Variants in ANKUB1 observed in about 807,000 individuals in gnomAD.
ANKUB1 encodes protein ANKUB1.
ANKUB1 carries 42 observed loss-of-function variants against 49.3 expected under a neutral mutation model. The ratio of observed to expected loss-of-function variants is 0.85; its 90% CI spans 0.67 to 1.10. ANKUB1 has a LOEUF of 1.10. ANKUB1 is among the 50% of genes least tolerant of loss of function. The pLI is 0.00. For missense variants in ANKUB1, 613 were observed against 642.0 expected, an observed-to-expected ratio of 0.95 and a Z score of 0.49; for synonymous variants, 222 against 231.0, an observed-to-expected ratio of 0.96 and a Z score of 0.35.
chr3:149,767,223 G>A lies in ANKUB1; in HGVS notation c.1439C>T (p.Ser480Leu), dbSNP rs1717066758. The change falls in exon 5 of 6, where the codon TCA (serine) becomes TTA (leucine). Residue 480 changes from serine (S) to leucine (L), a missense_variant. By Grantham distance (145) the Ser-to-Leu change is moderately radical. Transcript: ENST00000446160. ...SADFLLKSSF[S>L]SFLEHSGKTP... ...CTTCCCACTGTGCTCTAAGAAAGAT[G>A]AGAAGGAGGACTTCAGTAAAAAGTC... The A allele has an allele frequency of 6.4e-7, 1 of 1,550,566 alleles. No individual in the cohort carries two copies. The highest frequency in any genetic ancestry group is 1.2e-5 in the South Asian group (1 of 83,674).
chr3:149,790,993 T>A, intron 1 of ANKUB1, 69 bp from the exon 2 acceptor site: 1 of 1,422,300 alleles, frequency 7.0e-7, no homozygotes, highest in Non-Finnish European at 9.3e-7. Flanking sequence ...TGTACTCTCT[T>A]TCCCTTTACA....
intron 2 of ANKUB1, among the ~76,000 whole-genome samples, chr3:149,784,701 T>C (rs1317061087): frequency 2.6e-5 from 4 of 152,204 alleles, no homozygotes. Flanking sequence ...TGCTTCCAAC[T>C]AAGAACCATG....
intron 1 of ANKUB1, among the ~76,000 whole-genome samples, chr3:149,791,963 C>T (rs947663654): frequency 6.6e-6 from 1 of 152,104 alleles, no homozygotes; most frequent in African/African-American, 2.4e-5. Context: ...TGGTGTCTTG[C>T]TTTGGTCCTT....
chr3:149,788,863 A>G (rs4269028), intron 2 of ANKUB1, among the ~76,000 whole-genome samples: 132,561 of 151,936 alleles, frequency 0.87, 57,855 homozygotes, highest in East Asian at 0.92. Context: ...TGTAACCTCC[A>G]CCTCCAGGGT....
At position 149,770,447 on chromosome 3, in the gene ANKUB1, G is replaced by T. The variant is rs980263094; in HGVS notation, c.566+113C>A. 1.5e-5 allele frequency: 11 copies of T among 731,226 alleles called. No homozygotes were observed. In the African/African-American group the frequency reaches 2.0e-4, roughly 13 times the overall value. 45.3% of individuals were successfully genotyped at this position (731,226 alleles called of 1,614,324 possible). Reference sequence around the variant, plus strand: ...GGTTGAGACATACTAAGTGGAACTGGCATAGAGCAGCACCCCAGCTGTAGA... The same window carrying T: ...GGTTGAGACATACTAAGTGGAACTGTCATAGAGCAGCACCCCAGCTGTAGA... On this transcript the variant is annotated intron_variant, in intron 4 of 5. Transcript: ENST00000446160.
chr3:149,765,951 C>T (rs973568018), intron 5 of ANKUB1, among the ~76,000 whole-genome samples: 4 of 152,156 alleles, frequency 2.6e-5, no homozygotes, highest in African/African-American at 9.7e-5. Context: ...GTGGCAACAA[C>T]CTAACTGAAA....
At chr3:149,773,457 G>A (rs536586625) in intron 3 of ANKUB1, among the ~76,000 whole-genome samples, 2 of 152,158 alleles carry the variant, frequency 1.3e-5, no homozygotes, top group Non-Finnish European at 2.9e-5. Context: ...TACTCTCCTT[G>A]CTGGAGAATT....
intron 3 of ANKUB1, among the ~76,000 whole-genome samples, chr3:149,776,726 C>A (rs1377649642): frequency 6.6e-6 from 1 of 151,986 alleles, no homozygotes; most frequent in East Asian, 1.9e-4. Context: ...TTTGGGAGGC[C>A]AAGGTGGGTG....
At position 149,761,422 on chromosome 3, in the gene ANKUB1, A is replaced by C. The variant is rs1716777793; in HGVS notation, c.*62T>G. On this transcript the variant is annotated 3_prime_UTR_variant, in exon 6 of 6. Coordinates refer to ENST00000446160, the MANE Select transcript of ANKUB1 (RefSeq NM_001144960.3). The stretch of plus-strand genomic sequence containing the variant: ...ATTAGAACTGTTATTAGAAATGTTA[A>C]CATTAGAACTGGACATTCTGTTTGA... The C allele has an allele frequency of 6.6e-7, 1 of 1,517,810 alleles. No homozygotes were observed. The highest frequency in any genetic ancestry group is 1.4e-5 in the African/African-American group (1 of 71,730). 94.0% of individuals were successfully genotyped at this position (1,517,810 alleles called of 1,614,324 possible).
In ANKUB1 at chr3:149,780,439, G is replaced by T. The variant is rs746634770; in HGVS notation, c.251C>A (p.Thr84Asn). 4.1e-5 allele frequency: 63 copies of T among 1,551,744 alleles called. No homozygotes were observed. The African/African-American group carries it at 8.2e-4, about 20-fold the overall frequency. ...AGTTACAGCATTGAACACGTATAGAGTAGGCTTGTCTTCTTCCTAAAGGGA... is the reference window on the plus strand; with the variant it reads ...AGTTACAGCATTGAACACGTATAGATTAGGCTTGTCTTCTTCCTAAAGGGA... Reference protein sequence around the residue: ...KCFVKEEDKPTLYVFNAVTQD... With the variant: ...KCFVKEEDKPNLYVFNAVTQD... Residue 84 changes from threonine (T) to asparagine (N), a missense_variant, in exon 3 of 6, where the codon ACT (threonine) becomes AAT (asparagine). Physicochemically the swap from Thr to Asn is moderately conservative, Grantham distance 65 (BLOSUM62 0). Transcript: ENST00000446160.
At chr3:149,780,190 A>G (rs1373323836) in intron 3 of ANKUB1, 49 bp downstream of exon 3, 2 of 1,480,976 alleles carry the variant, frequency 1.4e-6, no homozygotes, top group South Asian at 2.4e-5. Flanking sequence ...CTGGTATCAA[A>G]GGACCCTAGT....
At chr3:149,777,342 C>T (rs954593861) in intron 3 of ANKUB1, among the ~76,000 whole-genome samples, 7 of 151,164 alleles carry the variant, frequency 4.6e-5, no homozygotes, top group East Asian at 2.0e-4. Context: ...AGTGGTGGCG[C>T]GTGCCTGTAG....
At chr3:149,776,057 T>C (rs1185749800) in intron 3 of ANKUB1, among the ~76,000 whole-genome samples, 1 of 152,202 alleles carries the variant, frequency 6.6e-6, no homozygotes, top group African/African-American at 2.4e-5. Context: ...AATTCCCTTA[T>C]CCCTTCATTA....
chr3:149,770,312 G>A (rs372922295), intron 4 of ANKUB1, among the ~76,000 whole-genome samples: 27 of 152,228 alleles, frequency 1.8e-4, no homozygotes, highest in African/African-American at 6.3e-4. Context: ...TTGTTCAAAG[G>A]TTAATTGTAG....
In ANKUB1 at chr3:149,767,847, G is replaced by C; in HGVS notation, c.815C>G (p.Ala272Gly). 6.4e-7 allele frequency: 1 copy of C among 1,551,722 alleles called. No individual in the cohort carries two copies. The highest frequency in any genetic ancestry group is 8.7e-7 in the Non-Finnish European group (1 of 1,147,004). The change falls in exon 5 of 6, where the codon GCA (alanine) becomes GGA (glycine). Residue 272 changes from alanine to glycine, a missense_variant. Ala to Gly is a moderately conservative substitution (Grantham distance 60, BLOSUM62 0). Coordinates refer to ENST00000446160, the MANE Select transcript of ANKUB1 (RefSeq NM_001144960.3). ...AATGGTCAGGGGAGTTTGTCCTGCTGCATTTTTGCATTCCAGGCACAGCAC... is the reference window on the plus strand; with the variant it reads ...AATGGTCAGGGGAGTTTGTCCTGCTCCATTTTTGCATTCCAGGCACAGCAC... ...YSVLCLECKN[A>G]AGQTPLTIVF...
chr3:149,777,875 ATGTT>A (rs1197954011), intron 3 of ANKUB1, among the ~76,000 whole-genome samples: 1 of 152,190 alleles, frequency 6.6e-6, no homozygotes, highest in Non-Finnish European at 1.5e-5. Flanking sequence ...AGCTTTGCAA[ATGTT>A]TGTATGAGCT....
intron 1 of ANKUB1, 123 bp downstream of exon 1, chr3:149,792,154 T>G (rs567647700): frequency 4.6e-5 from 24 of 524,924 alleles, no homozygotes; most frequent in Non-Finnish European, 6.7e-5. Flanking sequence ...TATTTTCAAA[T>G]AGTTTTCGTT....
chr3:149,765,043 GC>G (rs374700196), intron 5 of ANKUB1, among the ~76,000 whole-genome samples: 115 of 152,108 alleles, frequency 7.6e-4, no homozygotes, highest in African/African-American at 2.5e-3. Context: ...ATTCAAAGTA[GC>G]CCCTAAATTA....
At chr3:149,776,456 G>A (rs1217331097) in intron 3 of ANKUB1, among the ~76,000 whole-genome samples, 2 of 152,100 alleles carry the variant, frequency 1.3e-5, no homozygotes, top group African/African-American at 4.8e-5. Context: ...CATCACTCAA[G>A]CACTAGCACC....
Sources: gnomAD v4.1 joint callset for allele counts (sites outside exome capture counted in the v4.1 genomes callset) on GRCh38, gnomAD v4.1.1 for gene constraint, MANE v1.5 for transcripts, NCBI Gene and HGNC (gene_info 2026-07-23, HGNC 2026-07-21) for gene names.